Variants in CACNB3 observed in about 807,000 individuals in gnomAD.
The protein encoded by CACNB3 is calcium voltage-gated channel auxiliary subunit beta 3.
In CACNB3, 36 loss-of-function variants were observed where a neutral mutation model predicts 63.7. That is an observed-to-expected ratio of 0.57 (90% CI 0.43 to 0.75). CACNB3 has a LOEUF of 0.75. CACNB3 is among the 30% of genes least tolerant of loss of function. CACNB3 has a pLI of 0.00. For synonymous variants in CACNB3, 241 were observed against 250.6 expected, an observed-to-expected ratio of 0.96 and a Z score of 0.36; for missense variants, 493 against 648.6, an observed-to-expected ratio of 0.76 and a Z score of 2.61.
At position 48,826,953 on chromosome 12, in the gene CACNB3, C is replaced by A; in HGVS notation, c.991-21C>A. 2 of 1,613,526 alleles carry A rather than the reference C, an allele frequency of 1.2e-6. No homozygotes were observed. The highest frequency in any genetic ancestry group is 1.7e-6 in the Non-Finnish European group (2 of 1,179,686). ...TGCTACTGAGGGGAAACCAACGTTG[C>A]GCCTTCCTCCCCCTCCCCAGGAGTC... On this transcript the variant is annotated intron_variant, in intron 11 of 12. Coordinates refer to ENST00000301050, the MANE Select transcript of CACNB3 (RefSeq NM_000725.4). This position sits in a 1 kb window ranked among gnomAD's most constrained non-coding sequence, Gnocchi z 4.8.
rs772343195 is a variant in CACNB3 at position 48,825,674 on chromosome 12, G to A, written c.647G>A (p.Arg216Gln). Residue 216 changes from arginine (R) to glutamine (Q), a missense_variant, in exon 9 of 13, where the codon CGA becomes CAA. Coordinates refer to ENST00000301050, the MANE Select transcript of CACNB3 (RefSeq NM_000725.4). This position sits in a 1 kb window ranked among gnomAD's most constrained non-coding sequence, Gnocchi z 4.5. ...HRFDGRISIT[R>Q]VTADLSLAKR... ...TCCCACCCCAGGATCTCCATCACCC[G>A]AGTCACAGCCGACCTCTCCCTGGCA... 5.6e-6 allele frequency: 9 copies of A among 1,613,916 alleles called. No homozygotes were observed. The highest frequency in any genetic ancestry group is 2.2e-5 in the South Asian group (2 of 91,072).
In CACNB3 at chr12:48,827,605, G is replaced by C. The variant is rs748129773; in HGVS notation, c.1161G>C (p.Glu387Asp). 3.1e-6 allele frequency: 5 copies of C among 1,612,750 alleles called. No homozygotes were observed. The highest frequency in any genetic ancestry group is 3.3e-5 in the Admixed American group (2 of 59,994). Residue 387 changes from glutamate (E) to aspartate (D), a missense_variant, in exon 13 of 13, where the codon GAG becomes GAC. Glu to Asp is a conservative substitution (Grantham distance 45). Transcript: ENST00000301050. ...CCCAGAACCAGCAGCTGCTGGGGGA[G>C]CGTGGCGAGGAGCACTCCCCCCTTG... ...PGLQNQQLLG[E>D]RGEEHSPLER... is the part of the protein sequence containing the mutation.
upstream of CACNB3, chr12:48,817,066 A>G (rs1223229448): frequency 2.2e-6 from 2 of 904,714 alleles, no homozygotes; most frequent in South Asian, 1.0e-4. Context: ...ACCAAACCCC[A>G]GTTGGTGCTG....
chr12:48,818,429 C>A (rs868533849), upstream of CACNB3: 18 of 986,782 alleles, frequency 1.8e-5, no homozygotes, highest in South Asian at 7.5e-4. The surrounding 1 kb of genome is among the most constrained non-coding windows in gnomAD (Gnocchi z 4.3). Flanking sequence ...CCGAGCGTCT[C>A]TGTCTCCGCA....
upstream of CACNB3, chr12:48,817,148 G>C (rs923605453): frequency 3.4e-6 from 1 of 292,968 alleles, no homozygotes; most frequent in African/African-American, 2.3e-5. Context: ...CCAGCATGAG[G>C]AAGGTGCTGG....
rs1182537465 is a variant in CACNB3, at chr12:48,827,650, C to T, written c.1206C>T (p.Pro402=). Residue 402 remains proline, a synonymous_variant, in exon 13 of 13, where the codon CCC becomes CCT. Coordinates refer to ENST00000301050, the MANE Select transcript of CACNB3 (RefSeq NM_000725.4). ...HSPLERDSLM[P]SDEASESSRQ... ...CCCTTGAGCGGGACAGCTTGATGCC[C>T]TCTGATGAGGCCAGCGAGAGCTCCC... 6.2e-7 allele frequency: 1 copy of T among 1,613,812 alleles called. No individual in the cohort carries two copies. The highest frequency in any genetic ancestry group is 8.5e-7 in the Non-Finnish European group (1 of 1,180,010).
chr12:48,818,012 G>T (rs940606075), upstream of CACNB3: 1 of 152,388 alleles, frequency 6.6e-6, no homozygotes, highest in Non-Finnish European at 1.5e-5. This position sits in a 1 kb window ranked among gnomAD's most constrained non-coding sequence, Gnocchi z 4.3. Context: ...CTTCTCAAGG[G>T]TTGGGCAACA....
In CACNB3 at chr12:48,823,505, C is replaced by A. The variant is rs749324534; in HGVS notation, c.168+39C>A. 5.6e-6 allele frequency: 9 copies of A among 1,607,764 alleles called. No individual in the cohort carries two copies. Among genetic ancestry groups the A allele is most frequent in the Admixed American group, 1.7e-5 (1 of 59,420 alleles). On this transcript the variant is annotated intron_variant, in intron 2 of 12. Transcript: ENST00000301050. The surrounding 1 kb of genome is among the most constrained non-coding windows in gnomAD (Gnocchi z 4.2). Reference sequence around the variant, plus strand: ...GCATGGGGCAAGACAGGAGGCCAAGCTAGGTGGAAACCTGCACTCGGTCCT... The same window carrying A: ...GCATGGGGCAAGACAGGAGGCCAAGATAGGTGGAAACCTGCACTCGGTCCT...
At chr12:48,815,469 C>G, upstream of CACNB3, 2 of 1,148,396 alleles carry the variant, frequency 1.7e-6, no homozygotes, top group Non-Finnish European at 2.4e-6. Context: ...CAGAGACTGA[C>G]AGAGGCGGCG....
At position 48,823,535 on chromosome 12, in the gene CACNB3, C is replaced by T. The variant is rs1435000139; in HGVS notation, c.168+69C>T. 2 of 1,597,888 alleles carry T rather than the reference C, an allele frequency of 1.3e-6. No homozygotes were observed. The highest frequency in any genetic ancestry group is 2.7e-5 in the African/African-American group (2 of 74,644). On this transcript the variant is annotated intron_variant, in intron 2 of 12. Coordinates refer to ENST00000301050, the MANE Select transcript of CACNB3 (RefSeq NM_000725.4). The surrounding 1 kb of genome is among the most constrained non-coding windows in gnomAD (Gnocchi z 4.2). ...TGGAAACCTGCACTCGGTCCTAAGT[C>T]CCAAGGGGTCCTTGGGCAGGATGTC...
rs1938099729 is a variant in CACNB3 at position 48,825,708 on chromosome 12, T to C, written c.681T>C (p.Ser227=). The C allele has an allele frequency of 1.5e-5, 25 of 1,614,116 alleles. No homozygotes were observed. Among genetic ancestry groups the C allele is most frequent in the Non-Finnish European group, 1.5e-5 (18 of 1,180,050 alleles). The change falls in exon 9 of 13, where the codon TCT becomes TCC. Residue 227 remains serine (S), a synonymous_variant. Coordinates refer to ENST00000301050, the MANE Select transcript of CACNB3 (RefSeq NM_000725.4). The surrounding 1 kb of genome is among the most constrained non-coding windows in gnomAD (Gnocchi z 4.5). ...VTADLSLAKR[S]VLNNPGKRTI... is the part of the protein sequence containing the mutation. Reference sequence around the variant, plus strand: ...CCGACCTCTCCCTGGCAAAGCGATCTGTGCTCAACAATCCGGGCAAGAGGA... The same window carrying C: ...CCGACCTCTCCCTGGCAAAGCGATCCGTGCTCAACAATCCGGGCAAGAGGA...
In CACNB3 at chr12:48,826,964, C is replaced by A; in HGVS notation, c.991-10C>A. ...GGAAACCAACGTTGCGCCTTCCTCC[C>A]CCTCCCCAGGAGTCATTTGATGTGA... On this transcript the variant is annotated splice_polypyrimidine_tract_variant and intron_variant, in intron 11 of 12. Transcript: ENST00000301050. This position sits in a 1 kb window ranked among gnomAD's most constrained non-coding sequence, Gnocchi z 4.8. The A allele has an allele frequency of 1.2e-6, 2 of 1,613,912 alleles. No individual in the cohort carries two copies. The highest frequency in any genetic ancestry group is 1.7e-6 in the Non-Finnish European group (2 of 1,179,882).
intron 3 of CACNB3, 143 bp from the exon 4 acceptor site, chr12:48,824,115 C>A (rs746718969): frequency 3.2e-5 from 24 of 760,258 alleles, no homozygotes; most frequent in Non-Finnish European, 4.7e-5. Context: ...TGTCCTTTCC[C>A]CTGGCCCCTT....
chr12:48,818,557 G>A lies in CACNB3; in HGVS notation c.-373G>A, dbSNP rs1189296387. The A allele has an allele frequency of 3.8e-6, 4 of 1,050,380 alleles. No individual in the cohort carries two copies. The highest frequency in any genetic ancestry group is 1.7e-5 in the African/African-American group (1 of 58,532). The allele number at this position is 1,050,380 out of a possible 1,614,324, so 65.1% of individuals were successfully genotyped here. ...CGGGGACCCACCTTCCACCTAGCAC[G>A]GGTTCGTTCCCCTCTCCCGGCCTGG... On this transcript the variant is annotated 5_prime_UTR_variant, in exon 1 of 13. Coordinates refer to ENST00000301050, the MANE Select transcript of CACNB3 (RefSeq NM_000725.4). This position sits in a 1 kb window ranked among gnomAD's most constrained non-coding sequence, Gnocchi z 4.3.
upstream of CACNB3, chr12:48,815,744 GTGTGGGGTC>G: frequency 6.7e-6 from 9 of 1,341,698 alleles, no homozygotes; most frequent in Non-Finnish European, 9.2e-6. Flanking sequence ...CGTGGGGGGG[GTGTGGGGTC>G]GTGGGAAGGG....
At chr12:48,815,750 G>A (rs931450391), upstream of CACNB3, 1 of 1,337,910 alleles carries the variant, frequency 7.5e-7, no homozygotes, top group Non-Finnish European at 1.0e-6. Flanking sequence ...GGGGGTGTGG[G>A]GTCGTGGGAA....
chr12:48,823,470 T>C lies in CACNB3; in HGVS notation c.168+4T>C. 1 of 1,613,610 alleles carries C rather than the reference T, an allele frequency of 6.2e-7. No individual in the cohort carries two copies. Among genetic ancestry groups the C allele is most frequent in the Non-Finnish European group, 8.5e-7 (1 of 1,179,786 alleles). On this transcript the variant is annotated splice_donor_region_variant and intron_variant, in intron 2 of 12. Transcript: ENST00000301050. This position sits in a 1 kb window ranked among gnomAD's most constrained non-coding sequence, Gnocchi z 4.2. ...GCAGCAGCTCGAAAGGGCCAAGGTATACTTTCTGGGCATGGGGCAAGACAG... is the reference window on the plus strand; with the variant it reads ...GCAGCAGCTCGAAAGGGCCAAGGTACACTTTCTGGGCATGGGGCAAGACAG...
chr12:48,815,593 G>A, upstream of CACNB3: 1 of 1,529,322 alleles, frequency 6.5e-7, no homozygotes, highest in South Asian at 1.2e-5. Flanking sequence ...GGCCAGGCGT[G>A]CAGGCGGGAG....
At position 48,825,609 on chromosome 12, in the gene CACNB3, G is replaced by T; in HGVS notation, c.633-51G>T. Reference sequence around the variant, plus strand: ...AGTTAGTGGGAGCTGAGTAAGGAGAGGCTGAGGCACAGGTTTAGAAGCAAG... The same window carrying T: ...AGTTAGTGGGAGCTGAGTAAGGAGATGCTGAGGCACAGGTTTAGAAGCAAG... On this transcript the variant is annotated intron_variant, in intron 8 of 12. Coordinates refer to ENST00000301050, the MANE Select transcript of CACNB3 (RefSeq NM_000725.4). This position sits in a 1 kb window ranked among gnomAD's most constrained non-coding sequence, Gnocchi z 4.5. The T allele has an allele frequency of 6.3e-7, 1 of 1,577,742 alleles. No homozygotes were observed. Among genetic ancestry groups the T allele is most frequent in the Non-Finnish European group, 8.7e-7 (1 of 1,146,978 alleles).
Sources: allele counts gnomAD v4.1 joint callset, GRCh38; gene constraint gnomAD v4.1.1; non-coding constraint Gnocchi (gnomAD v3.1); transcripts MANE v1.5; gene names NCBI Gene and HGNC (gene_info 2026-07-23, HGNC 2026-07-21).